Variants in RAB40B observed in about 807,000 individuals in gnomAD.
RAB40B encodes RAB40B, member RAS oncogene family.
Under a neutral mutation model 24.0 loss-of-function variants are expected in RAB40B, and 21 were observed. That is an observed-to-expected ratio of 0.88 (90% CI 0.62 to 1.26). The LOEUF (loss-of-function observed/expected upper bound fraction) is 1.26. RAB40B is among the 50% of genes most tolerant of loss of function. The pLI, the probability that RAB40B is intolerant of heterozygous loss-of-function variation, is 0.00. For missense variants in RAB40B, 348 were observed against 390.5 expected (o/e 0.89, Z 0.92); for synonymous variants, 167 against 169.8 (o/e 0.98, Z 0.13).
At chr17:82,693,743 A>G (rs1302594646) in intron 1 of RAB40B, among the ~76,000 whole-genome samples, 1 of 152,054 alleles carries the variant, frequency 6.6e-6, no homozygotes, top group Non-Finnish European at 1.5e-5. Context: ...CTCACACAAC[A>G]TGGGAGAGTC....
At chr17:82,672,165 A>G (rs2046345758) in intron 1 of RAB40B, among the ~76,000 whole-genome samples, 1 of 150,546 alleles carries the variant, frequency 6.6e-6, no homozygotes. Flanking sequence ...TCACCCCTGT[A>G]ACTCTAACAC....
Position 82,697,743 on chromosome 17 carries a change from A to C in RAB40B, c.142+712T>G, listed in dbSNP as rs1387392748. 6.6e-6 allele frequency among the ~76,000 whole-genome samples: 1 copy of C among 151,800 alleles called. No individual in the cohort carries two copies. Among genetic ancestry groups the C allele is most frequent in the Non-Finnish European group, 1.5e-5 (1 of 67,944 alleles). The stretch of plus-strand genomic sequence containing the variant: ...ACCCCCTCGCCGGGCGCCGGCTTTC[A>C]AGCCTCAAACTTGGGGGATCCCCGG... On this transcript the variant is annotated intron_variant, in intron 1 of 5. Coordinates refer to ENST00000571995, the MANE Select transcript of RAB40B (RefSeq NM_006822.3). The surrounding 1 kb of genome is among the most constrained non-coding windows in gnomAD (Gnocchi z 4.9).
chr17:82,665,188 T>G (rs1598298704), intron 1 of RAB40B, among the ~76,000 whole-genome samples: 1 of 152,038 alleles, frequency 6.6e-6, no homozygotes, highest in South Asian at 2.1e-4. Context: ...GGAACCTTCT[T>G]TCCACATTTC....
chr17:82,674,822 A>C (rs2046380330), intron 1 of RAB40B, among the ~76,000 whole-genome samples: 1 of 152,026 alleles, frequency 6.6e-6, no homozygotes, highest in African/African-American at 2.4e-5. Context: ...GAACCCCAGA[A>C]TGAACCTAAC....
intron 1 of RAB40B, among the ~76,000 whole-genome samples, chr17:82,695,774 T>G (rs2046603877): frequency 6.6e-6 from 1 of 152,118 alleles, no homozygotes; most frequent in South Asian, 2.1e-4. Context: ...TATCTTTTCT[T>G]AACTCTAAAA....
intron 1 of RAB40B, among the ~76,000 whole-genome samples, chr17:82,690,729 CTGGGGAA>C (rs1283373798): frequency 6.7e-6 from 1 of 150,042 alleles, no homozygotes; most frequent in African/African-American, 2.5e-5. Flanking sequence ...ATGTGTGTTC[CTGGGGAA>C]CAGAGAGTGT....
At position 82,661,837 on chromosome 17, in the gene RAB40B, A is replaced by C. The variant is rs1297432803; in HGVS notation, c.204-790T>G. ...GGCAGGCGGAGGTTGCAGTGAGCTG[A>C]TATCGTGCCACTGCACTCCAGCCTG... On this transcript the variant is annotated intron_variant, in intron 2 of 5. Transcript: ENST00000571995. 3.6e-6 allele frequency: 3 copies of C among 842,694 alleles called. No individual in the cohort carries two copies. The East Asian group carries it at 4.1e-4, about 115-fold the overall frequency. The allele number at this position is 842,694 out of a possible 1,614,324, so 52.2% of individuals were successfully genotyped here. A position where few individuals can be genotyped will look rare whatever the true frequency, so the allele number is the denominator to read the frequency against.
intron 4 of RAB40B, 193 bp from the exon 5 acceptor site, chr17:82,658,906 C>G (rs564900028): frequency 1.7e-6 from 1 of 580,608 alleles, no homozygotes; most frequent in Admixed American, 3.0e-5. Context: ...GAATTAGGGC[C>G]CTCATCTAAT....
At chr17:82,694,251 C>A (rs887124367) in intron 1 of RAB40B, among the ~76,000 whole-genome samples, 1 of 151,398 alleles carries the variant, frequency 6.6e-6, no homozygotes, top group East Asian at 1.9e-4. Context: ...AAATTCAGGC[C>A]GCGCACTGTG....
At chr17:82,664,675 G>A (rs1379139225) in intron 1 of RAB40B, 119 bp from the exon 2 acceptor site, 4 of 961,418 alleles carry the variant, frequency 4.2e-6, no homozygotes, top group African/African-American at 3.3e-5. Context: ...TACAAGGCAG[G>A]CGGATGGGAC....
At chr17:82,669,969 G>A (rs80301250) in intron 1 of RAB40B, among the ~76,000 whole-genome samples, 3,223 of 152,206 alleles carry the variant, frequency 0.021, 118 homozygotes, top group African/African-American at 0.073. Context: ...TGGCAGGCAC[G>A]AGGCAATGAA....
At position 82,657,313 on chromosome 17, in the gene RAB40B, GT is replaced by G. The variant is rs1286015813; in HGVS notation, c.*549del. The G allele has an allele frequency of 2.3e-4, 42 of 182,908 alleles. No homozygotes were observed. The highest frequency in any genetic ancestry group is 8.3e-4 in the Admixed American group (15 of 18,010). The allele number at this position is 182,908 out of a possible 1,614,324, so 11.3% of individuals were successfully genotyped here. On this transcript the variant is annotated 3_prime_UTR_variant, in exon 6 of 6. Coordinates refer to ENST00000571995, the MANE Select transcript of RAB40B (RefSeq NM_006822.3). ...ATAAATCACTTATTAATCCCAAAATGTAGTAAATAACTAGCAAAAACTTTAT... is the reference window on the plus strand; with the variant it reads ...ATAAATCACTTATTAATCCCAAAATGAGTAAATAACTAGCAAAAACTTTAT...
rs548863682 is a variant in RAB40B, at chr17:82,662,094, G to A, written c.204-1047C>T. 40 of 985,398 alleles carry A rather than the reference G, an allele frequency of 4.1e-5. No individual in the cohort carries two copies. In the South Asian group the frequency reaches 8.0e-4, roughly 20 times the overall value. The allele number at this position is 985,398 out of a possible 1,614,324, so 61.0% of individuals were successfully genotyped here. ...ACGAGACACAACCTCACGGATGAGCGGTGGGACGCGGCATGGTTTTGCTGT... is the reference window on the plus strand; with the variant it reads ...ACGAGACACAACCTCACGGATGAGCAGTGGGACGCGGCATGGTTTTGCTGT... On this transcript the variant is annotated intron_variant, in intron 2 of 5. Transcript: ENST00000571995.
Position 82,657,646 on chromosome 17 carries a change from T to C in RAB40B, c.*217A>G. 1 of 689,088 alleles carries C rather than the reference T, an allele frequency of 1.5e-6. No individual in the cohort carries two copies. Among genetic ancestry groups the C allele is most frequent in the Non-Finnish European group, 2.7e-6 (1 of 376,598 alleles). 42.7% of individuals were successfully genotyped at this position (689,088 alleles called of 1,614,324 possible). A position where few individuals can be genotyped will look rare whatever the true frequency, so the allele number is the denominator to read the frequency against. Reference sequence around the variant, plus strand: ...GTCGAGCAGAGTACTAATTTTCCCTTTACAAACACACATCGAAAACAAGAG... The same window carrying C: ...GTCGAGCAGAGTACTAATTTTCCCTCTACAAACACACATCGAAAACAAGAG... On this transcript the variant is annotated 3_prime_UTR_variant, in exon 6 of 6. Coordinates refer to ENST00000571995, the MANE Select transcript of RAB40B (RefSeq NM_006822.3).
chr17:82,674,455 C>A (rs1428059841), intron 1 of RAB40B, among the ~76,000 whole-genome samples: 2 of 141,158 alleles, frequency 1.4e-5, no homozygotes, highest in Non-Finnish European at 3.1e-5. Context: ...CAGGGTGAAA[C>A]CCCGTCTCTA....
At chr17:82,679,812 G>C (rs1033119353) in intron 1 of RAB40B, among the ~76,000 whole-genome samples, 5 of 38,484 alleles carry the variant, frequency 1.3e-4, no homozygotes, top group Non-Finnish European at 2.3e-4. Context: ...CACCACCACA[G>C]GACACCTGGA....
At chr17:82,680,349 G>T (rs2046437319) in intron 1 of RAB40B, among the ~76,000 whole-genome samples, 1 of 152,192 alleles carries the variant, frequency 6.6e-6, no homozygotes, top group Non-Finnish European at 1.5e-5. Context: ...GCCAAAGAGG[G>T]GTGTGGGCTC....
In RAB40B at chr17:82,697,504, T is replaced by C. The variant is rs370731022; in HGVS notation, c.142+951A>G. The stretch of plus-strand genomic sequence containing the variant: ...GCCCAGGACTCAGAGCGGGTCTCTG[T>C]TGGAAGCGTGGGTTCAGCCCCGAGG... On this transcript the variant is annotated intron_variant, in intron 1 of 5. Transcript: ENST00000571995. The surrounding 1 kb of genome is among the most constrained non-coding windows in gnomAD (Gnocchi z 4.9). Among the ~76,000 whole-genome samples the C allele has an allele frequency of 2.8e-4, 43 of 152,030 alleles. No individual in the cohort carries two copies. The highest frequency in any genetic ancestry group is 4.6e-4 in the Non-Finnish European group (31 of 67,988).
At chr17:82,688,224 A>G (rs1242995784) in intron 1 of RAB40B, among the ~76,000 whole-genome samples, 2 of 151,974 alleles carry the variant, frequency 1.3e-5, no homozygotes, top group Non-Finnish European at 2.9e-5. Context: ...GTTTCCCTAT[A>G]TTTCCTAGGC....
Sources: gnomAD v4.1 joint callset for allele counts (sites outside exome capture counted in the v4.1 genomes callset) on GRCh38, gnomAD v4.1.1 for gene constraint, Gnocchi (gnomAD v3.1) non-coding constraint, MANE v1.5 for transcripts, NCBI Gene and HGNC (gene_info 2026-07-23, HGNC 2026-07-21) for gene names.